The following TNRC6A variants were observed in gnomAD, a reference collection of about 807,000 sequenced individuals.
TNRC6A encodes the protein trinucleotide repeat-containing gene 6A protein.
Under a neutral mutation model 221.2 loss-of-function variants are expected in TNRC6A, and 44 were observed. That is an observed-to-expected ratio of 0.20 (90% confidence interval 0.16 to 0.26). The LOEUF (loss-of-function observed/expected upper bound fraction) is 0.26, where lower values mean the gene tolerates loss of function less well. Ranked by LOEUF, TNRC6A falls within the 10% of genes least tolerant of loss-of-function variation. The pLI is 1.00. For synonymous variants in TNRC6A, 847 were observed against 838.5 expected (o/e 1.01, Z -0.18); for missense variants, 2,199 against 2,404.4 (o/e 0.91, Z 1.79).
At chr16:24,806,547 T>G (rs1244317606) in intron 16 of TNRC6A, 27 bp from the exon 17 acceptor site, 3 of 1,612,202 alleles carry the variant, frequency 1.9e-6, no homozygotes, top group Non-Finnish European at 2.5e-6. Context: ...CCCCAGTAAT[T>G]TTTTCCAATC....
upstream of TNRC6A, among the ~76,000 whole-genome samples, chr16:24,725,476 C>T (rs927958880): frequency 1.3e-5 from 2 of 152,060 alleles, no homozygotes; most frequent in Non-Finnish European, 2.9e-5. Flanking sequence ...TCCCTCCGCA[C>T]TGATAACCCA....
At chr16:24,745,970 T>A (rs1226159834) in intron 2 of TNRC6A, among the ~76,000 whole-genome samples, 2 of 152,092 alleles carry the variant, frequency 1.3e-5, no homozygotes, top group African/African-American at 4.8e-5. Flanking sequence ...ACCCAACATT[T>A]TCCCTCCCTT....
At chr16:24,643,218 C>G (rs571938736) in intron 2 of TNRC6A, among the ~76,000 whole-genome samples, 1 of 149,938 alleles carries the variant, frequency 6.7e-6, no homozygotes, top group African/African-American at 2.5e-5. Context: ...ACAGGCAGGG[C>G]CCATCATTCC....
At position 24,804,470 on chromosome 16, in the gene TNRC6A, TTA is replaced by T. The variant is rs1436888070; in HGVS notation, c.3837+153_3837+154del. 1.1e-4 allele frequency: 119 copies of T among 1,122,810 alleles called. 1 individual carries two copies. In the South Asian group the frequency reaches 1.9e-3, roughly 18 times the overall value. 69.6% of individuals were successfully genotyped at this position (1,122,810 alleles called of 1,614,324 possible). A position where few individuals can be genotyped will look rare whatever the true frequency, so the allele number is the denominator to read the frequency against. ...CTGGATTTTGAAGTTCACTGTCTTT[TTA>T]TGTCTCAATTTATCATAGAGGTTGC... is the stretch of plus-strand genomic sequence containing the variant. On this transcript the variant is annotated intron_variant, in intron 12 of 24. Coordinates refer to ENST00000395799, the MANE Select transcript of TNRC6A (RefSeq NM_014494.4).
chr16:24,663,998 G>T, intron 2 of TNRC6A: 1 of 456,388 alleles, frequency 2.2e-6, no homozygotes, highest in Non-Finnish European at 4.4e-6. Context: ...AGCCTCTTGA[G>T]ATAACCCTGT....
intron 1 of TNRC6A, among the ~76,000 whole-genome samples, chr16:24,623,901 CAAAAAAAAAAAAAAAA>C (rs67546745): frequency 3.6e-5 from 2 of 55,160 alleles, no homozygotes; most frequent in African/African-American, 1.5e-4. Flanking sequence ...GACCCTGTCT[CAAAAAAAAAAAAAAAA>C]AAAAAAAAAA....
intron 2 of TNRC6A, among the ~76,000 whole-genome samples, chr16:24,730,858 C>G (rs1480210807): frequency 6.8e-6 from 1 of 148,098 alleles, no homozygotes; most frequent in African/African-American, 2.5e-5. Context: ...AACTCCATTT[C>G]TGTCCATGTT....
chr16:24,813,169 G>A (rs1451501361), intron 18 of TNRC6A, among the ~76,000 whole-genome samples: 1 of 152,050 alleles, frequency 6.6e-6, no homozygotes, highest in Non-Finnish European at 1.5e-5. Context: ...GAGCCACCAT[G>A]CCTTGCCTTG....
intron 2 of TNRC6A, among the ~76,000 whole-genome samples, chr16:24,669,685 A>T (rs1012351181): frequency 4.6e-5 from 7 of 151,924 alleles, no homozygotes; most frequent in Non-Finnish European, 1.0e-4. Flanking sequence ...GTGGGAGAGG[A>T]CTGAGTCGCC....
At position 24,777,015 on chromosome 16, in the gene TNRC6A, T is replaced by C; in HGVS notation, c.246T>C (p.Asn82=). 1.2e-6 allele frequency: 2 copies of C among 1,614,012 alleles called. No individual in the cohort carries two copies. Among genetic ancestry groups the C allele is most frequent in the Non-Finnish European group, 1.7e-6 (2 of 1,180,042 alleles). The change falls in exon 5 of 25, where the codon AAT becomes AAC. Residue 82 remains asparagine (N), a synonymous_variant. Transcript: ENST00000395799. ...GCACTTCCACAGCAACCAGCACTAA[T>C]AATAATGCCAAGCGAGCTACAGCCA... The part of the protein sequence containing the change: ...NNGTSTATST[N]NNAKRATANN...
At chr16:24,659,112 C>A (rs1233074886) in intron 2 of TNRC6A, among the ~76,000 whole-genome samples, 2 of 151,930 alleles carry the variant, frequency 1.3e-5, no homozygotes, top group East Asian at 3.9e-4. Context: ...ACCCATTGCA[C>A]CCCACCATTA....
At chr16:24,748,528 A>G (rs1180169175) in intron 2 of TNRC6A, among the ~76,000 whole-genome samples, 1 of 152,132 alleles carries the variant, frequency 6.6e-6, no homozygotes, top group African/African-American at 2.4e-5. Context: ...ACAAAATGAC[A>G]GCGAAGTATA....
chr16:24,815,467 C>T (rs1172472949), intron 19 of TNRC6A, 162 bp downstream of exon 19: 2 of 812,960 alleles, frequency 2.5e-6, no homozygotes, highest in African/African-American at 1.7e-5. Flanking sequence ...AGCATGAAGT[C>T]TTGGGCAAGT....
intron 2 of TNRC6A, among the ~76,000 whole-genome samples, chr16:24,651,538 CAAAAAAAA>C (rs768568973): frequency 4.1e-5 from 2 of 48,754 alleles, no homozygotes; most frequent in Admixed American, 3.4e-4. Flanking sequence ...AACTCCATCT[CAAAAAAAA>C]AAAAAAAAAA....
Position 24,794,855 on chromosome 16 carries a change from G to A in TNRC6A, c.3528+136G>A, listed in dbSNP as rs1403327800. The A allele has an allele frequency of 6.2e-6, 4 of 644,818 alleles. No individual in the cohort carries two copies. In the East Asian group the frequency reaches 9.3e-5, roughly 15 times the overall value. The allele number at this position is 644,818 out of a possible 1,614,324, so 39.9% of individuals were successfully genotyped here. ...GCCCCCACCTTAGGTATAGCCACTT[G>A]TATGGGCAGCCACCTAGAGAAACAT... On this transcript the variant is annotated intron_variant, in intron 8 of 24. Coordinates refer to ENST00000395799, the MANE Select transcript of TNRC6A (RefSeq NM_014494.4).
intron 1 of TNRC6A, among the ~76,000 whole-genome samples, chr16:24,636,236 A>G (rs1018303150): frequency 2.0e-5 from 3 of 152,228 alleles, no homozygotes; most frequent in Non-Finnish European, 4.4e-5. Flanking sequence ...TACTTGACCT[A>G]TTGGAATGAT....
intron 2 of TNRC6A, among the ~76,000 whole-genome samples, chr16:24,689,752 TA>T (rs917697104): frequency 6.6e-6 from 1 of 151,738 alleles, no homozygotes; most frequent in Non-Finnish European, 1.5e-5. Context: ...TGACACATGC[TA>T]TGAGAAAAAA....
chr16:24,691,908 CA>C (rs1321008597), intron 2 of TNRC6A, among the ~76,000 whole-genome samples: 1 of 152,142 alleles, frequency 6.6e-6, no homozygotes, highest in Non-Finnish European at 1.5e-5. Context: ...TTAAAGGACC[CA>C]TCACCCTTAA....
chr16:24,675,719 T>TATATAC (rs2055407889), intron 2 of TNRC6A, among the ~76,000 whole-genome samples: 5 of 121,426 alleles, frequency 4.1e-5, no homozygotes, highest in African/African-American at 1.5e-4. Context: ...TATATATATA[T>TATATAC]ATATATATAT....
Sources: allele counts gnomAD v4.1 joint callset (sites outside exome capture counted in the v4.1 genomes callset), GRCh38; gene constraint gnomAD v4.1.1; transcripts MANE v1.5; gene names NCBI Gene and HGNC (gene_info 2026-07-23, HGNC 2026-07-21).